ANO4: variants seen among roughly 807,000 people sequenced by gnomAD.
The protein encoded by ANO4 is anoctamin-4.
ANO4 carries 69 observed loss-of-function variants against 141.9 expected under a neutral mutation model. That is an observed-to-expected ratio of 0.49 (90% CI 0.40 to 0.59). ANO4 has a LOEUF of 0.59. Among genes scored for constraint, ANO4 ranks in the 20% least tolerant of loss-of-function variants. The probability of loss-of-function intolerance (pLI) is 0.00; values close to 1 mark genes in which losing one functional copy is unlikely to be tolerated. For synonymous variants in ANO4, 350 were observed against 394.3 expected, an observed-to-expected ratio of 0.89 and a Z score of 1.33; for missense variants, 894 against 1,162.2, an observed-to-expected ratio of 0.77 and a Z score of 3.36.
intron 17 of ANO4, 118 bp from the exon 18 acceptor site, chr12:101,094,138 G>A: frequency 1.3e-6 from 1 of 746,210 alleles, no homozygotes; most frequent in Non-Finnish European, 2.3e-6. Context: ...CATTGGTTGA[G>A]CAATGGATGC....
chr12:100,784,606 G>A (rs1441267263), intron 3 of ANO4, among the ~76,000 whole-genome samples: 1 of 152,146 alleles, frequency 6.6e-6, no homozygotes, highest in African/African-American at 2.4e-5. Context: ...TTTCTCCTCT[G>A]CTAACATAGT....
At chr12:100,879,007 A>T (rs144527234) in intron 1 of ANO4, among the ~76,000 whole-genome samples, 1 of 152,158 alleles carries the variant, frequency 6.6e-6, no homozygotes, top group Non-Finnish European at 1.5e-5. Flanking sequence ...GCAGGATTTT[A>T]TGCCCCTGGA....
chr12:100,987,701 C>G, intron 8 of ANO4, 31 bp downstream of exon 8: 1 of 1,610,884 alleles, frequency 6.2e-7, no homozygotes, highest in Non-Finnish European at 8.5e-7. Context: ...CCCCATCTCA[C>G]TAAGGATGTG....
chr12:101,059,096 C>T (rs1378159107), intron 14 of ANO4, among the ~76,000 whole-genome samples: 1 of 152,078 alleles, frequency 6.6e-6, no homozygotes, highest in African/African-American at 2.4e-5. Flanking sequence ...TATCGAAGGC[C>T]TTTTCTGTAT....
chr12:100,911,391 A>G (rs1375670088), intron 2 of ANO4, among the ~76,000 whole-genome samples: 1 of 152,228 alleles, frequency 6.6e-6, no homozygotes, highest in African/African-American at 2.4e-5. Context: ...AAAGCCTTAG[A>G]AAATTTAAAT....
At chr12:100,997,635 A>C (rs146654984) in intron 8 of ANO4, among the ~76,000 whole-genome samples, 1 of 152,244 alleles carries the variant, frequency 6.6e-6, no homozygotes, top group African/African-American at 2.4e-5. Context: ...TGGCCTATGT[A>C]TCTGTAATGG....
chr12:101,083,557 T>C (rs1037982370), intron 15 of ANO4, 121 bp from the exon 16 acceptor site: 2 of 1,231,958 alleles, frequency 1.6e-6, no homozygotes, highest in Non-Finnish European at 1.1e-6. Flanking sequence ...ACCCACTTCA[T>C]TGGTTGACTA....
At chr12:101,085,953 G>A (rs1217387123) in intron 16 of ANO4, among the ~76,000 whole-genome samples, 6 of 152,110 alleles carry the variant, frequency 3.9e-5, no homozygotes, top group Admixed American at 3.9e-4. Flanking sequence ...TGAAAAAGAT[G>A]TAACCATATG....
intron 1 of ANO4, among the ~76,000 whole-genome samples, chr12:100,856,367 G>A (rs753897845): frequency 1.3e-5 from 2 of 152,110 alleles, no homozygotes; most frequent in Non-Finnish European, 2.9e-5. Flanking sequence ...GTTTACACTA[G>A]GAGTGTATCT....
At chr12:100,790,670 G>T (rs145171787), upstream of ANO4, among the ~76,000 whole-genome samples, 543 of 152,068 alleles carry the variant, frequency 3.6e-3, 2 homozygotes, top group Middle Eastern at 0.02. Flanking sequence ...AAAATTATAG[G>T]TCTGTGATCT....
At chr12:100,895,561 G>GTT (rs201323252) in intron 1 of ANO4, among the ~76,000 whole-genome samples, 2,567 of 131,072 alleles carry the variant, frequency 0.02, 118 homozygotes, top group African/African-American at 0.067. Flanking sequence ...TCTGAGCTTT[G>GTT]TTTTTTTTTT....
chr12:100,752,900 T>C (rs2135502833), intron 3 of ANO4, among the ~76,000 whole-genome samples: 1 of 152,316 alleles, frequency 6.6e-6, no homozygotes. Context: ...TACTCGTTTA[T>C]CTAGAATCAG....
intron 1 of ANO4, among the ~76,000 whole-genome samples, chr12:100,849,298 A>G (rs1467738698): frequency 6.6e-6 from 1 of 152,224 alleles, no homozygotes; most frequent in African/African-American, 2.4e-5. Flanking sequence ...ATTGTTCTGT[A>G]TGTATTTTCA....
intron 3 of ANO4, among the ~76,000 whole-genome samples, chr12:100,742,906 C>A (rs2031933841): frequency 6.6e-6 from 1 of 152,166 alleles, no homozygotes; most frequent in Non-Finnish European, 1.5e-5. Context: ...GTGCAGTGAA[C>A]AACTTGTGAA....
chr12:100,841,669 C>T lies in ANO4; in HGVS notation c.-141+46642C>T, dbSNP rs143866111. Among the ~76,000 whole-genome samples the T allele has an allele frequency of 9.2e-5, 14 of 152,242 alleles. No individual in the cohort carries two copies. In the East Asian group the frequency reaches 2.5e-3, roughly 27 times the overall value. ...TCCAGGCAGAGGGAACAGCAAGTGT[C>T]AAAGTCCTGAGGACAAATTTGGACT... On this transcript the variant is annotated intron_variant, in intron 1 of 27. Transcript: ENST00000392977.
At chr12:101,078,583 A>G (rs2049118223) in intron 14 of ANO4, among the ~76,000 whole-genome samples, 1 of 152,202 alleles carries the variant, frequency 6.6e-6, no homozygotes, top group Non-Finnish European at 1.5e-5. Flanking sequence ...TAATAGACTT[A>G]CCCACTTTTA....
At chr12:101,076,623 T>C (rs1177752593) in intron 14 of ANO4, among the ~76,000 whole-genome samples, 3 of 151,024 alleles carry the variant, frequency 2.0e-5, no homozygotes, top group African/African-American at 7.4e-5. Flanking sequence ...TGGTAGGGCG[T>C]AGTGAGAGCA....
intron 3 of ANO4, among the ~76,000 whole-genome samples, chr12:100,773,934 T>C (rs1241123727): frequency 6.6e-6 from 1 of 152,202 alleles, no homozygotes; most frequent in African/African-American, 2.4e-5. Context: ...CTTCCTGGTT[T>C]TGTAAATAAA....
intron 22 of ANO4, among the ~76,000 whole-genome samples, chr12:101,101,773 G>A (rs1341643809): frequency 6.6e-6 from 1 of 152,036 alleles, no homozygotes; most frequent in African/African-American, 2.4e-5. Context: ...AGATCTTCTA[G>A]GCTCCTGAAT....
Sources: gnomAD v4.1 joint callset for allele counts (sites outside exome capture counted in the v4.1 genomes callset) on GRCh38, gnomAD v4.1.1 for gene constraint, MANE v1.5 for transcripts, NCBI Gene and HGNC (gene_info 2026-07-23, HGNC 2026-07-21) for gene names.